Variants in HNF4G observed in about 807,000 individuals in gnomAD.
HNF4G encodes the protein hepatocyte nuclear factor 4-gamma.
Under a neutral mutation model 50.9 loss-of-function variants are expected in HNF4G, and 21 were observed. That is an observed-to-expected ratio of 0.41 (90% CI 0.29 to 0.59). HNF4G has a LOEUF of 0.59. Among genes scored for constraint, HNF4G ranks in the 20% least tolerant of loss-of-function variants. The pLI, the probability that HNF4G is intolerant of heterozygous loss-of-function variation, is 0.26. For synonymous variants in HNF4G, 198 were observed against 185.6 expected, an observed-to-expected ratio of 1.07 and a Z score of -0.54; for missense variants, 527 against 559.4, an observed-to-expected ratio of 0.94 and a Z score of 0.58.
At chr8:75,434,675 A>AACAC (rs36098920) in intron 1 of HNF4G, among the ~76,000 whole-genome samples, 3,339 of 145,776 alleles carry the variant, frequency 0.023, 74 homozygotes, top group African/African-American at 0.062. Context: ...CAACAAGGCC[A>AACAC]ACACACACAC....
At chr8:75,412,241 G>T (rs1223775070) in intron 1 of HNF4G, among the ~76,000 whole-genome samples, 1 of 152,178 alleles carries the variant, frequency 6.6e-6, no homozygotes, top group African/African-American at 2.4e-5. Flanking sequence ...ACCAAGTATA[G>T]TTCCATGGCT....
rs181443902 is a variant in HNF4G at position 75,453,768 on chromosome 8, A to G, written c.-143-36321A>G. On this transcript the variant is annotated intron_variant, in intron 1 of 10. Transcript: ENST00000354370. ...GTCTTCTTCGTGAGCAAGTTATTTCATATCTCTGATCCTAATGTTTTTTGC... is the reference window on the plus strand; with the variant it reads ...GTCTTCTTCGTGAGCAAGTTATTTCGTATCTCTGATCCTAATGTTTTTTGC... 9.9e-5 allele frequency among the ~76,000 whole-genome samples: 15 copies of G among 152,262 alleles called. No individual in the cohort carries two copies. In the East Asian group the frequency reaches 2.9e-3, roughly 29 times the overall value.
intron 1 of HNF4G, among the ~76,000 whole-genome samples, chr8:75,430,474 TAGAG>T (rs66481707): frequency 0.5 from 67,726 of 135,706 alleles, 15,696 homozygotes; most frequent in Middle Eastern, 0.58. Context: ...GGGTAGGGAG[TAGAG>T]AGAGAGAGAG....
intron 1 of HNF4G, among the ~76,000 whole-genome samples, chr8:75,467,822 G>A (rs1032307135): frequency 6.6e-6 from 1 of 151,902 alleles, no homozygotes; most frequent in Non-Finnish European, 1.5e-5. Context: ...CTACCTCTGT[G>A]CACTGTTGAA....
At chr8:75,478,115 A>C (rs1046057854) in intron 1 of HNF4G, among the ~76,000 whole-genome samples, 1 of 152,146 alleles carries the variant, frequency 6.6e-6, no homozygotes. Flanking sequence ...AGATCGAGAC[A>C]AGCCTGGGCA....
chr8:75,540,707 T>C (rs1273940896), intron 1 of HNF4G, among the ~76,000 whole-genome samples: 1 of 152,132 alleles, frequency 6.6e-6, no homozygotes, highest in African/African-American at 2.4e-5. Context: ...ATGAGTTTTT[T>C]AGGGGTAGTG....
intron 1 of HNF4G, among the ~76,000 whole-genome samples, chr8:75,468,589 G>A (rs184636307): frequency 1.3e-5 from 2 of 152,164 alleles, no homozygotes; most frequent in East Asian, 3.9e-4. Context: ...AGCTACTAGG[G>A]AGGCTGAGGC....
intron 1 of HNF4G, among the ~76,000 whole-genome samples, chr8:75,465,183 C>T (rs1276262255): frequency 1.3e-5 from 2 of 152,106 alleles, no homozygotes; most frequent in Non-Finnish European, 2.9e-5. Flanking sequence ...CTACAGCTAA[C>T]CCATGTAGCC....
intron 1 of HNF4G, among the ~76,000 whole-genome samples, chr8:75,448,599 G>T (rs537253593): frequency 6.7e-4 from 101 of 150,768 alleles, no homozygotes; most frequent in Middle Eastern, 3.6e-3. Context: ...ATATGTTATT[G>T]TAATATGTAT....
intron 2 of HNF4G, among the ~76,000 whole-genome samples, chr8:75,514,367 TTTC>T (rs1805839504): frequency 1.6e-5 from 2 of 121,292 alleles, no homozygotes; most frequent in African/African-American, 6.6e-5. Context: ...TTTTTTTTTC[TTTC>T]TTTTTTTTTT....
At position 75,529,536 on chromosome 8, in the gene HNF4G, G is replaced by A. The variant is rs371697496; in HGVS notation, c.-23-14275G>A. ...CAAAAATATAAGCCTAGGAGACAGA[G>A]GGTGAAGGTAGGGTACCATTTTCTA... On this transcript the variant is annotated intron_variant, in intron 2 of 10. Transcript: ENST00000354370. Among the ~76,000 whole-genome samples, 5 of 152,248 alleles carry A rather than the reference G, an allele frequency of 3.3e-5. No individual in the cohort carries two copies. In the East Asian group the frequency reaches 5.8e-4, roughly 18 times the overall value.
chr8:75,476,286 G>T (rs2047441374), intron 1 of HNF4G, among the ~76,000 whole-genome samples: 1 of 152,118 alleles, frequency 6.6e-6, no homozygotes, highest in African/African-American at 2.4e-5. Context: ...CTTTATTGCT[G>T]TGTAGTATTC....
intron 2 of HNF4G, among the ~76,000 whole-genome samples, chr8:75,519,553 C>T (rs1174661609): frequency 6.6e-6 from 1 of 152,184 alleles, no homozygotes; most frequent in African/African-American, 2.4e-5. Context: ...GAGGAGGCCT[C>T]ACATTCATGG....
intron 1 of HNF4G, among the ~76,000 whole-genome samples, chr8:75,438,166 T>C (rs1295358111): frequency 2.0e-5 from 3 of 152,200 alleles, no homozygotes; most frequent in Non-Finnish European, 4.4e-5. Flanking sequence ...GTACATGTAA[T>C]GATGCATATA....
chr8:75,449,252 T>C (rs985388706), intron 1 of HNF4G, among the ~76,000 whole-genome samples: 11 of 152,170 alleles, frequency 7.2e-5, no homozygotes, highest in Non-Finnish European at 1.2e-4. Context: ...TTATAAATAC[T>C]GTAGAATCTG....
Position 75,463,147 on chromosome 8 carries a change from A to G in HNF4G, c.-143-26942A>G, listed in dbSNP as rs556151252. ...CTTGATGATGGCTTTTTCTCATTCCATTTTAGGAACTTAATTTTTAGCATG... is the reference window on the plus strand; with the variant it reads ...CTTGATGATGGCTTTTTCTCATTCCGTTTTAGGAACTTAATTTTTAGCATG... On this transcript the variant is annotated intron_variant, in intron 1 of 10. Coordinates refer to the HNF4G transcript ENST00000354370. 1.4e-4 allele frequency among the ~76,000 whole-genome samples: 21 copies of G among 149,184 alleles called. No homozygotes were observed. In the East Asian group the frequency reaches 3.7e-3, roughly 26 times the overall value.
chr8:75,408,558 T>C (rs2926604), intron 1 of HNF4G, among the ~76,000 whole-genome samples: 74,176 of 151,976 alleles, frequency 0.49, 18,385 homozygotes, highest in Middle Eastern at 0.57. Context: ...ATTTTAAATA[T>C]AGTATTGAGA....
At chr8:75,532,473 T>C (rs11994899) in intron 2 of HNF4G, among the ~76,000 whole-genome samples, 4 of 152,096 alleles carry the variant, frequency 2.6e-5, no homozygotes, top group African/African-American at 9.7e-5. Flanking sequence ...TTTTTAAAAT[T>C]ATATTTATGT....
intron 1 of HNF4G, among the ~76,000 whole-genome samples, chr8:75,449,036 A>T (rs1167624614): frequency 6.6e-6 from 1 of 152,166 alleles, no homozygotes; most frequent in Admixed American, 6.5e-5. Context: ...TAGAATGAAG[A>T]TCATGTTGCT....
Sources: gnomAD v4.1 joint callset for allele counts (sites outside exome capture counted in the v4.1 genomes callset) on GRCh38, gnomAD v4.1.1 for gene constraint, MANE v1.5 for transcripts, NCBI Gene and HGNC (gene_info 2026-07-23, HGNC 2026-07-21) for gene names.